Variants in MYO10 observed in about 807,000 individuals in gnomAD.
MYO10 encodes unconventional myosin-X.
A neutral mutation model predicts 257.3 loss-of-function variants in MYO10; 133 were observed. The ratio of observed to expected loss-of-function variants is 0.52; its 90% CI spans 0.45 to 0.60. MYO10 has a LOEUF of 0.60. Among genes scored for constraint, MYO10 ranks in the 20% least tolerant of loss-of-function variants. The pLI, the probability that MYO10 is intolerant of heterozygous loss-of-function variation, is 0.00. For synonymous variants in MYO10, 1,104 were observed against 1,028.6 expected (o/e 1.07, Z -1.40); for missense variants, 2,399 against 2,635.7 (o/e 0.91, Z 1.97).
intron 1 of MYO10, 92 bp downstream of exon 1, chr5:16,935,696 C>T: frequency 1.3e-6 from 2 of 1,520,342 alleles, no homozygotes; most frequent in East Asian, 2.3e-5. Context: ...CCTTCCAGGG[C>T]TTAGGAAAAA....
intron 3 of MYO10, among the ~76,000 whole-genome samples, chr5:16,812,470 G>C (rs1045657142): frequency 2.0e-5 from 3 of 152,180 alleles, no homozygotes; most frequent in Admixed American, 2.0e-4. Context: ...GTAAGGTTCA[G>C]GGGCTTCATA....
At chr5:16,756,404 C>T (rs763088012) in intron 18 of MYO10, among the ~76,000 whole-genome samples, 3 of 152,108 alleles carry the variant, frequency 2.0e-5, no homozygotes, top group Non-Finnish European at 4.4e-5. Flanking sequence ...CATCAAAATG[C>T]AAATATGGTC....
intron 2 of MYO10, among the ~76,000 whole-genome samples, chr5:16,829,252 G>C (rs1280396385): frequency 6.6e-6 from 1 of 152,180 alleles, no homozygotes; most frequent in Non-Finnish European, 1.5e-5. Flanking sequence ...GGTGCTGCCT[G>C]GCTTCTGACC....
chr5:16,865,346 G>C (rs1448284591), intron 2 of MYO10, among the ~76,000 whole-genome samples: 1 of 152,150 alleles, frequency 6.6e-6, no homozygotes, highest in African/African-American at 2.4e-5. Flanking sequence ...CCAGGGCTCA[G>C]CGGTCTGGCA....
intron 2 of MYO10, among the ~76,000 whole-genome samples, chr5:16,853,081 C>T (rs931382892): frequency 4.6e-5 from 7 of 152,158 alleles, no homozygotes; most frequent in Non-Finnish European, 7.4e-5. Context: ...AAATCATGAT[C>T]ATATGTTGGC....
intron 11 of MYO10, among the ~76,000 whole-genome samples, chr5:16,765,718 T>C (rs1294529875): frequency 1.3e-5 from 2 of 152,222 alleles, no homozygotes; most frequent in Non-Finnish European, 2.9e-5. Context: ...AAGAGTCCTA[T>C]GAATTAGGTA....
intron 8 of MYO10, 136 bp downstream of exon 8, chr5:16,780,388 T>C (rs2126668449): frequency 2.6e-6 from 2 of 775,166 alleles, no homozygotes; most frequent in Middle Eastern, 3.5e-4. Flanking sequence ...AGCATCTTTT[T>C]GGTGTTCGCA....
chr5:16,809,446 A>C (rs1286912529), intron 3 of MYO10, among the ~76,000 whole-genome samples: 1 of 152,280 alleles, frequency 6.6e-6, no homozygotes, highest in Admixed American at 6.5e-5. Context: ...CAAGATTCCC[A>C]AACAGTCCAG....
intron 39 of MYO10, among the ~76,000 whole-genome samples, chr5:16,668,688 TA>T (rs1736294064): frequency 6.6e-6 from 1 of 152,208 alleles, no homozygotes; most frequent in Non-Finnish European, 1.5e-5. Flanking sequence ...AAAACCTCAC[TA>T]ACTGGCAGAG....
intron 31 of MYO10, 98 bp from the exon 32 acceptor site, chr5:16,681,601 T>C (rs55734207): frequency 0.011 from 14,386 of 1,300,156 alleles, 104 homozygotes; most frequent in Middle Eastern, 0.023. Flanking sequence ...GTGGGGTTTC[T>C]AGCTGTTTGC....
intron 2 of MYO10, among the ~76,000 whole-genome samples, chr5:16,849,617 G>T (rs1450254717): frequency 6.6e-6 from 1 of 152,152 alleles, no homozygotes; most frequent in African/African-American, 2.4e-5. Context: ...AATCCTAGCT[G>T]CATGATTCAG....
In MYO10 at chr5:16,870,534, A is replaced by G. The variant is rs150640211; in HGVS notation, c.120+7075T>C. On this transcript the variant is annotated intron_variant, in intron 2 of 40. Coordinates refer to ENST00000513610, the MANE Select transcript of MYO10 (RefSeq NM_012334.3). ...GATTCGTATGCACCACTCTAAATCA[A>G]AGGAAAATTACACTAATAGTTTTGT... 5.4e-3 allele frequency among the ~76,000 whole-genome samples: 821 copies of G among 151,550 alleles called. 46 individuals carry two copies. Among genetic ancestry groups the G allele is most frequent in the African/African-American group, 0.019 (797 of 40,924 alleles).
chr5:16,768,134 C>T (rs150044711), intron 10 of MYO10, among the ~76,000 whole-genome samples: 2 of 152,228 alleles, frequency 1.3e-5, no homozygotes, highest in African/African-American at 2.4e-5. Context: ...TCCTCTAGAA[C>T]CACTCTGAAC....
intron 4 of MYO10, among the ~76,000 whole-genome samples, chr5:16,784,320 G>A (rs1364281174): frequency 6.6e-6 from 1 of 152,244 alleles, no homozygotes; most frequent in Non-Finnish European, 1.5e-5. Flanking sequence ...AGAGGCAAGT[G>A]CAGGAGCTGG....
Position 16,699,628 on chromosome 5 carries a change from G to A in MYO10, c.3433-55C>T, listed in dbSNP as rs535613650. 51 of 1,606,352 alleles carry A rather than the reference G, an allele frequency of 3.2e-5. No homozygotes were observed. The African/African-American group carries it at 4.7e-4, about 15-fold the overall frequency. ...GGGAAAAGGCCACAAAGCAAGCCAC[G>A]AAGATACCCAGCATGTATCATCATT... On this transcript the variant is annotated intron_variant, in intron 25 of 40. Coordinates refer to ENST00000513610, the MANE Select transcript of MYO10 (RefSeq NM_012334.3).
At chr5:16,762,255 G>A (rs941765993) in intron 15 of MYO10, 142 bp from the exon 16 acceptor site, 27 of 1,079,938 alleles carry the variant, frequency 2.5e-5, no homozygotes, top group Admixed American at 1.3e-4. Flanking sequence ...TTCAGGACAC[G>A]GCATATGGTG....
At chr5:16,735,055 G>A (rs917256116) in intron 19 of MYO10, among the ~76,000 whole-genome samples, 3 of 152,110 alleles carry the variant, frequency 2.0e-5, no homozygotes, top group African/African-American at 4.8e-5. Context: ...AAGGCAGGCC[G>A]GATCAGTGTT....
Position 16,877,621 on chromosome 5 carries a change from T to C in MYO10, c.108A>G (p.Thr36=). ...GACTTGTTCTCACCTGACCATAGTC[T>C]GTCCGGAAGACGACGATGCCTTCTG... The part of the protein sequence containing the change: ...SCAEGIVVFR[T]DYGQVFTYKQ... Residue 36 remains threonine (T), a synonymous_variant, in exon 2 of 41, where the codon ACA becomes ACG. Transcript: ENST00000513610. 6.2e-7 allele frequency: 1 copy of C among 1,613,136 alleles called. No homozygotes were observed. Among genetic ancestry groups the C allele is most frequent in the South Asian group, 1.1e-5 (1 of 91,012 alleles).
In MYO10 at chr5:16,711,262, A is replaced by C. The variant is rs1738596341; in HGVS notation, c.1930-17T>G. ...GTCTGGCATCTAAACCATGCAAAAA[A>C]AAAAGATGGGATACCATTAGAAAAA... On this transcript the variant is annotated splice_polypyrimidine_tract_variant and intron_variant, in intron 19 of 40. Transcript: ENST00000513610. The C allele has an allele frequency of 1.3e-6, 2 of 1,595,384 alleles. No individual in the cohort carries two copies. Among genetic ancestry groups the C allele is most frequent in the African/African-American group, 2.7e-5 (2 of 74,006 alleles).
Sources: allele counts gnomAD v4.1 joint callset (sites outside exome capture counted in the v4.1 genomes callset), GRCh38; gene constraint gnomAD v4.1.1; transcripts MANE v1.5; gene names NCBI Gene and HGNC (gene_info 2026-07-23, HGNC 2026-07-21).